TTC7B: variants seen among roughly 807,000 people sequenced by gnomAD.
TTC7B encodes the protein tetratricopeptide repeat protein 7B.
TTC7B carries 28 observed loss-of-function variants against 106.8 expected under a neutral mutation model. The observed-to-expected ratio is 0.26, with a 90% confidence interval of 0.19 to 0.36. TTC7B has a LOEUF of 0.36. Ranked by LOEUF, TTC7B falls within the 10% of genes least tolerant of loss-of-function variation. The probability of loss-of-function intolerance (pLI) is 1.00; values close to 1 mark genes in which losing one functional copy is unlikely to be tolerated. For synonymous variants in TTC7B, 405 were observed against 430.6 expected, an observed-to-expected ratio of 0.94 and a Z score of 0.74; for missense variants, 862 against 1,076.4, an observed-to-expected ratio of 0.80 and a Z score of 2.79.
chr14:90,573,032 T>G (rs1891094528), intron 19 of TTC7B, among the ~76,000 whole-genome samples: 1 of 152,080 alleles, frequency 6.6e-6, no homozygotes, highest in Non-Finnish European at 1.5e-5. Flanking sequence ...ACTACTTCCT[T>G]GGGGCGGGGG....
intron 11 of TTC7B, among the ~76,000 whole-genome samples, chr14:90,656,014 C>T (rs1885932718): frequency 6.6e-6 from 1 of 152,186 alleles, no homozygotes; most frequent in South Asian, 2.1e-4. Flanking sequence ...CGCCTGCCCA[C>T]TCCTGGAACC....
intron 4 of TTC7B, among the ~76,000 whole-genome samples, chr14:90,736,777 G>A (rs1422076349): frequency 6.6e-6 from 1 of 151,468 alleles, no homozygotes. Context: ...CAGCTAACTG[G>A]GAGGCTGGGG....
chr14:90,589,187 T>C (rs1438365024), intron 18 of TTC7B, among the ~76,000 whole-genome samples: 4 of 152,162 alleles, frequency 2.6e-5, no homozygotes, highest in Non-Finnish European at 4.4e-5. Flanking sequence ...TGGACAAAAC[T>C]TATCAAAATT....
At chr14:90,611,484 C>T (rs779617410) in intron 16 of TTC7B, among the ~76,000 whole-genome samples, 3 of 152,132 alleles carry the variant, frequency 2.0e-5, no homozygotes, top group Non-Finnish European at 1.5e-5. Flanking sequence ...AGAATGTAGG[C>T]CTTTGTGCTA....
At chr14:90,760,715 GC>G (rs1242438923) in intron 3 of TTC7B, among the ~76,000 whole-genome samples, 2 of 152,184 alleles carry the variant, frequency 1.3e-5, no homozygotes, top group African/African-American at 2.4e-5. Flanking sequence ...CTTGTTACTT[GC>G]TGGGGCCTTG....
intron 9 of TTC7B, 124 bp downstream of exon 9, chr14:90,676,399 G>T: frequency 1.7e-6 from 2 of 1,177,194 alleles, no homozygotes; most frequent in Non-Finnish European, 2.4e-6. Context: ...TAAGTGACTG[G>T]CCCAAGATCA....
intron 5 of TTC7B, among the ~76,000 whole-genome samples, chr14:90,705,801 G>A (rs544141519): frequency 6.6e-5 from 10 of 152,090 alleles, no homozygotes; most frequent in Non-Finnish European, 1.3e-4. Flanking sequence ...TTCACTTGAC[G>A]ATTCTTCAAA....
rs137984320 is a variant in TTC7B at position 90,649,373 on chromosome 14, G to A, written c.1518-2350C>T. On this transcript the variant is annotated intron_variant, in intron 13 of 19. Coordinates refer to ENST00000328459, the MANE Select transcript of TTC7B (RefSeq NM_001010854.2). ...GTAGATGCTAAAATACTTGCTTCCC[G>A]TGGAGCAACTTCAGCAGCTAAGCTT... 5.7e-4 allele frequency among the ~76,000 whole-genome samples: 87 copies of A among 152,204 alleles called. 4 individuals carry two copies. The East Asian group carries it at 0.011, about 19-fold the overall frequency.
rs1376202822 is a variant in TTC7B, at chr14:90,780,917, A to G, written c.277-11T>C. 1.2e-6 allele frequency: 2 copies of G among 1,613,248 alleles called. No individual in the cohort carries two copies. Among genetic ancestry groups the G allele is most frequent in the African/African-American group, 2.7e-5 (2 of 74,860 alleles). Reference sequence around the variant, plus strand: ...TTGTAGGAATTCTGACTAGAAGCAAAAGGAGAGAAAGAAAAGCATTTTCCT... The same window carrying G: ...TTGTAGGAATTCTGACTAGAAGCAAGAGGAGAGAAAGAAAAGCATTTTCCT... On this transcript the variant is annotated splice_polypyrimidine_tract_variant and intron_variant, in intron 2 of 19. Coordinates refer to ENST00000328459, the MANE Select transcript of TTC7B (RefSeq NM_001010854.2).
intron 9 of TTC7B, among the ~76,000 whole-genome samples, chr14:90,670,724 C>T (rs1487232736): frequency 1.3e-5 from 2 of 152,100 alleles, no homozygotes; most frequent in East Asian, 3.9e-4. Flanking sequence ...ATGTCAGAGG[C>T]TGACATTCTT....
intron 3 of TTC7B, among the ~76,000 whole-genome samples, chr14:90,766,140 T>TTG (rs1305438087): frequency 4.0e-5 from 6 of 151,486 alleles, no homozygotes; most frequent in Non-Finnish European, 5.9e-5. Context: ...ACAACGTTTT[T>TTG]TTTTTTTTTT....
intron 5 of TTC7B, among the ~76,000 whole-genome samples, chr14:90,722,339 G>A (rs1200186799): frequency 6.6e-6 from 1 of 152,132 alleles, no homozygotes; most frequent in East Asian, 1.9e-4. Flanking sequence ...CAAAAACCAA[G>A]TAAAATGAAC....
chr14:90,669,093 C>T lies in TTC7B; in HGVS notation c.1152+7430G>A, dbSNP rs1343537438. Among the ~76,000 whole-genome samples, 3 of 151,912 alleles carry T rather than the reference C, an allele frequency of 2.0e-5. No individual in the cohort carries two copies. In the East Asian group the frequency reaches 5.8e-4, roughly 29 times the overall value. ...GGCCAATTGGTTTTTGATAAGGGTG[C>T]CAAGTCCATTGAATAGGGCAAAGAA... On this transcript the variant is annotated intron_variant, in intron 9 of 19. Transcript: ENST00000328459.
chr14:90,758,126 G>C (rs1029940597), intron 3 of TTC7B, among the ~76,000 whole-genome samples: 1 of 151,696 alleles, frequency 6.6e-6, no homozygotes, highest in Non-Finnish European at 1.5e-5. Context: ...ACTAATGCGA[G>C]GTTAATCAAG....
chr14:90,717,788 A>C (rs1888717045), intron 5 of TTC7B, among the ~76,000 whole-genome samples: 1 of 152,204 alleles, frequency 6.6e-6, no homozygotes, highest in South Asian at 2.1e-4. Context: ...CGGGAAGGGA[A>C]AAGGCAGGTA....
At chr14:90,797,048 T>C (rs192728285) in intron 1 of TTC7B, among the ~76,000 whole-genome samples, 107 of 150,418 alleles carry the variant, frequency 7.1e-4, no homozygotes, top group African/African-American at 2.5e-3. Flanking sequence ...TTTTCCCATG[T>C]TGGCCAAGCT....
At chr14:90,730,537 G>T (rs1005619435) in intron 4 of TTC7B, among the ~76,000 whole-genome samples, 1 of 152,306 alleles carries the variant, frequency 6.6e-6, no homozygotes, top group East Asian at 1.9e-4. Context: ...ACACGGAAGC[G>T]GGTCCTAGCA....
intron 3 of TTC7B, among the ~76,000 whole-genome samples, chr14:90,766,294 C>T (rs955679695): frequency 6.6e-6 from 1 of 151,880 alleles, no homozygotes; most frequent in African/African-American, 2.4e-5. Context: ...GCAGCCTATT[C>T]AGAGGAAAAG....
chr14:90,680,843 T>TAATA (rs1212606575), intron 7 of TTC7B, among the ~76,000 whole-genome samples: 3 of 152,192 alleles, frequency 2.0e-5, no homozygotes, highest in Admixed American at 2.0e-4. Flanking sequence ...ATTATCTAAA[T>TAATA]AATACAAGCT....
Sources: gnomAD v4.1 joint callset for allele counts (sites outside exome capture counted in the v4.1 genomes callset) on GRCh38, gnomAD v4.1.1 for gene constraint, MANE v1.5 for transcripts, NCBI Gene and HGNC (gene_info 2026-07-23, HGNC 2026-07-21) for gene names.